LRRC57: variants seen among roughly 807,000 people sequenced by gnomAD.
The protein encoded by LRRC57 is leucine-rich repeat-containing protein 57.
Under a neutral mutation model 23.1 loss-of-function variants are expected in LRRC57, and 14 were observed. The ratio of observed to expected loss-of-function variants is 0.61; its 90% CI spans 0.40 to 0.95. The LOEUF is 0.95. Ranked by LOEUF, LRRC57 falls within the 40% of genes least tolerant of loss-of-function variation. The pLI, the probability that LRRC57 is intolerant of heterozygous loss-of-function variation, is 0.00. For synonymous variants in LRRC57, 106 were observed against 115.2 expected, an observed-to-expected ratio of 0.92 and a Z score of 0.51; for missense variants, 236 against 284.4, an observed-to-expected ratio of 0.83 and a Z score of 1.22.
downstream of LRRC57, among the ~76,000 whole-genome samples, chr15:42,537,150 G>A (rs959876637): frequency 5.3e-5 from 8 of 151,816 alleles, no homozygotes; most frequent in South Asian, 2.1e-4. Flanking sequence ...AGGCTGAGGC[G>A]GGAGGATCAC....
Position 42,541,820 on chromosome 15 carries a change from CAA to C in LRRC57, c.*2261_*2262del, listed in dbSNP as rs2057630797. 1 of 149,658 alleles carries C rather than the reference CAA, an allele frequency of 6.7e-6. No individual in the cohort carries two copies. The highest frequency in any genetic ancestry group is 1.5e-5 in the Non-Finnish European group (1 of 67,788). 9.3% of individuals were successfully genotyped at this position (149,658 alleles called of 1,614,324 possible). ...TGTCACCCAGGCTGGAGTGCAGTGG[CAA>C]GATCTCCGCTCACTGCAAGCTCCGC... On this transcript the variant is annotated 3_prime_UTR_variant, in exon 6 of 6. Coordinates refer to ENST00000397130, the MANE Select transcript of LRRC57 (RefSeq NM_153260.3).
chr15:42,536,516 C>T (rs894147115), downstream of LRRC57, among the ~76,000 whole-genome samples: 2 of 152,172 alleles, frequency 1.3e-5, no homozygotes, highest in Admixed American at 6.5e-5. Context: ...CCCAGAGAAA[C>T]AGGCACACAA....
the LRRC57 span, chr15:42,529,821 TA>T: frequency 6.2e-7 from 1 of 1,610,064 alleles, no homozygotes; most frequent in South Asian, 1.1e-5. Flanking sequence ...ACAGACAAGG[TA>T]AAAGCTTTTT....
In LRRC57 at chr15:42,542,913, A is replaced by T. The variant is rs1272736815; in HGVS notation, c.*1170T>A. 6.6e-6 allele frequency: 1 copy of T among 151,300 alleles called. No individual in the cohort carries two copies. The highest frequency in any genetic ancestry group is 1.5e-5 in the Non-Finnish European group (1 of 67,920). 9.4% of individuals were successfully genotyped at this position (151,300 alleles called of 1,614,324 possible). A position where few individuals can be genotyped will look rare whatever the true frequency, so the allele number is the denominator to read the frequency against. ...GAGACAGAGTCTTGCTCTGTTGCCC[A>T]GAGTCGGAGTGCAATGGCATGATCT... On this transcript the variant is annotated 3_prime_UTR_variant, in exon 6 of 6. Coordinates refer to ENST00000397130, the MANE Select transcript of LRRC57 (RefSeq NM_153260.3).
chr15:42,540,448 C>T lies in LRRC57; in HGVS notation c.*3635G>A, dbSNP rs897839287. The stretch of plus-strand genomic sequence containing the variant: ...GATAATTTAAAGTATCAGGAAGATA[C>T]TATGTCATTTTGTATAAGGGACTTG... On this transcript the variant is annotated 3_prime_UTR_variant, in exon 6 of 6. Transcript: ENST00000397130. 6.6e-6 allele frequency: 1 copy of T among 152,082 alleles called. No individual in the cohort carries two copies. Among genetic ancestry groups the T allele is most frequent in the East Asian group, 1.9e-4 (1 of 5,190 alleles). 9.4% of individuals were successfully genotyped at this position (152,082 alleles called of 1,614,324 possible). A position where few individuals can be genotyped will look rare whatever the true frequency, so the allele number is the denominator to read the frequency against.
Position 42,548,086 on chromosome 15 carries a change from C to T in LRRC57, c.223+20G>A. The T allele has an allele frequency of 6.2e-7, 1 of 1,613,354 alleles. No homozygotes were observed. Among genetic ancestry groups the T allele is most frequent in the Non-Finnish European group, 8.5e-7 (1 of 1,179,590 alleles). On this transcript the variant is annotated intron_variant, in intron 3 of 5. Coordinates refer to ENST00000397130, the MANE Select transcript of LRRC57 (RefSeq NM_153260.3). ...GTAACAGCTGATCACTAGCAAAAGC[C>T]TCCCTGGCGAGAGCCATACTCAGTT...
At chr15:42,528,531 T>A in the LRRC57 span, 1 of 1,095,168 alleles carries the variant, frequency 9.1e-7, no homozygotes, top group Non-Finnish European at 1.3e-6. Flanking sequence ...TTGTATTTAT[T>A]CCATTTTTAA....
the LRRC57 span, chr15:42,528,511 C>A: frequency 1.7e-6 from 2 of 1,207,968 alleles, no homozygotes; most frequent in Non-Finnish European, 2.3e-6. Context: ...CCTAATAAAA[C>A]AAATAAAAAT....
chr15:42,548,500 C>A, intron 1 of LRRC57, 44 bp from the exon 2 acceptor site: 1 of 1,530,176 alleles, frequency 6.5e-7, no homozygotes, highest in South Asian at 1.1e-5. Flanking sequence ...TCCACCCGGT[C>A]GGCCTCCCGG....
At chr15:42,531,461 A>C in the LRRC57 span, 1 of 1,601,882 alleles carries the variant, frequency 6.2e-7, no homozygotes, top group Non-Finnish European at 8.5e-7. Context: ...CAGAGCAAAG[A>C]AACTCATTGA....
the LRRC57 span, among the ~76,000 whole-genome samples, chr15:42,529,258 C>G: frequency 6.6e-6 from 1 of 152,164 alleles, no homozygotes; most frequent in Non-Finnish European, 1.5e-5. Context: ...TCCAACCTCT[C>G]TCTTAGGGCA....
rs2057611894 is a variant in LRRC57, at chr15:42,538,502, C to T, written c.*5581G>A. 1 of 152,154 alleles carries T rather than the reference C, an allele frequency of 6.6e-6. No individual in the cohort carries two copies. Among genetic ancestry groups the T allele is most frequent in the African/African-American group, 2.4e-5 (1 of 41,434 alleles). 9.4% of individuals were successfully genotyped at this position (152,154 alleles called of 1,614,324 possible). On this transcript the variant is annotated 3_prime_UTR_variant, in exon 6 of 6. Coordinates refer to ENST00000397130, the MANE Select transcript of LRRC57 (RefSeq NM_153260.3). ...CAAACTCCTAGGTTCAAGGGATCCT[C>T]CAGCCTCAGGCCTCCTCAATAGCTG...
At position 42,545,117 on chromosome 15, in the gene LRRC57, A is replaced by C; in HGVS notation, c.638T>G (p.Phe213Cys). 1 of 1,605,794 alleles carries C rather than the reference A, an allele frequency of 6.2e-7. No homozygotes were observed. The highest frequency in any genetic ancestry group is 8.5e-7 in the Non-Finnish European group (1 of 1,177,156). The part of the protein sequence containing the change: ...ICLLAVEGNL[F>C]EIKKLRELEG... ...CAGTTCTCGAAGTTTCTTTATTTCAAAAAGATTGCCTTCCACAGCAAGCAG... is the reference window on the plus strand; with the variant it reads ...CAGTTCTCGAAGTTTCTTTATTTCACAAAGATTGCCTTCCACAGCAAGCAG... Residue 213 changes from phenylalanine to cysteine, a missense_variant, in exon 5 of 6, where the codon TTT becomes TGT. Phe to Cys is a radical substitution (Grantham distance 205). Transcript: ENST00000397130.
chr15:42,534,519 C>T (rs551997908), downstream of LRRC57, among the ~76,000 whole-genome samples: 81 of 152,332 alleles, frequency 5.3e-4, 1 homozygote, highest in African/African-American at 1.9e-3. Context: ...TCTTGACCTC[C>T]TTTCATGAAT....
At chr15:42,547,050 A>G (rs1465349948) in intron 4 of LRRC57, among the ~76,000 whole-genome samples, 1 of 152,188 alleles carries the variant, frequency 6.6e-6, no homozygotes, top group East Asian at 1.9e-4. Flanking sequence ...CACCCTCCCC[A>G]AAACACCTAC....
At chr15:42,547,566 T>TA (rs1566826942) in intron 3 of LRRC57, 37 bp from the exon 4 acceptor site, 3 of 1,572,294 alleles carry the variant, frequency 1.9e-6, no homozygotes, top group Middle Eastern at 1.7e-4. Flanking sequence ...CTGAATGTGA[T>TA]AGAGCTGAAA....
chr15:42,544,802 G>A (rs1394360478), intron 5 of LRRC57, among the ~76,000 whole-genome samples: 3 of 133,242 alleles, frequency 2.3e-5, no homozygotes, highest in African/African-American at 1.0e-4. Context: ...GGGCGACAGA[G>A]TGAGACCCTG....
intron 4 of LRRC57, 136 bp from the exon 5 acceptor site, chr15:42,545,398 C>T (rs1297767577): frequency 2.0e-6 from 1 of 500,270 alleles, no homozygotes; most frequent in Admixed American, 4.1e-5. Flanking sequence ...CCTCCATTTT[C>T]TCACTGCCTA....
Position 42,545,216 on chromosome 15 carries a change from A to G in LRRC57, c.539T>C (p.Ile180Thr), listed in dbSNP as rs1595539302. 2.5e-6 allele frequency: 4 copies of G among 1,605,404 alleles called. No homozygotes were observed. Among genetic ancestry groups the G allele is most frequent in the Non-Finnish European group, 3.4e-6 (4 of 1,176,946 alleles). ...VKISCCPRLK[I>T]LRLEENCLEL... ...AAGACAATTCTCTTCCAGGCGAAGAATTTTAAGGCGTGGACAGCAAGATAT... is the reference window on the plus strand; with the variant it reads ...AAGACAATTCTCTTCCAGGCGAAGAGTTTTAAGGCGTGGACAGCAAGATAT... The change falls in exon 5 of 6, where the codon ATT becomes ACT. Residue 180 changes from isoleucine to threonine, a missense_variant. Ile to Thr is a moderately conservative substitution (Grantham distance 89). Coordinates refer to ENST00000397130, the MANE Select transcript of LRRC57 (RefSeq NM_153260.3).
Sources: gnomAD v4.1 joint callset for allele counts (sites outside exome capture counted in the v4.1 genomes callset) on GRCh38, gnomAD v4.1.1 for gene constraint, MANE v1.5 for transcripts, NCBI Gene and HGNC (gene_info 2026-07-23, HGNC 2026-07-21) for gene names.